ST6GAL1: variants seen among roughly 807,000 people sequenced by gnomAD.
ST6GAL1 encodes beta-galactoside alpha-2,6-sialyltransferase 1.
ST6GAL1 carries 20 observed loss-of-function variants against 38.0 expected under a neutral mutation model. The ratio of observed to expected loss-of-function variants is 0.53; its 90% confidence interval spans 0.37 to 0.77. The LOEUF is 0.77. ST6GAL1 is among the 30% of genes least tolerant of loss of function. The pLI is 0.00. For missense variants in ST6GAL1, 432 were observed against 496.4 expected (o/e 0.87, Z 1.23); for synonymous variants, 196 against 188.2 (o/e 1.04, Z -0.34).
intron 1 of ST6GAL1, among the ~76,000 whole-genome samples, chr3:186,938,818 A>G (rs1008487701): frequency 6.6e-6 from 1 of 152,144 alleles, no homozygotes; most frequent in African/African-American, 2.4e-5. Context: ...CCCATGGTCA[A>G]CCCCAGATTA....
At chr3:186,985,962 G>A (rs1011253066) in intron 2 of ST6GAL1, among the ~76,000 whole-genome samples, 1 of 152,164 alleles carries the variant, frequency 6.6e-6, no homozygotes, top group African/African-American at 2.4e-5. Flanking sequence ...TAGTGGGAGG[G>A]AGTTTGAAAA....
chr3:186,991,396 T>TG (rs1021855923), intron 2 of ST6GAL1, among the ~76,000 whole-genome samples: 2 of 152,106 alleles, frequency 1.3e-5, no homozygotes, highest in African/African-American at 2.4e-5. Context: ...GGCGCTGTCT[T>TG]GGGGTCTGTA....
intron 1 of ST6GAL1, among the ~76,000 whole-genome samples, chr3:186,945,301 G>A (rs1223700994): frequency 6.8e-6 from 1 of 146,304 alleles, no homozygotes; most frequent in Non-Finnish European, 1.5e-5. Context: ...GCAAGACCCT[G>A]TCTCTATTTA....
chr3:187,038,057 T>C (rs1717990848), intron 2 of ST6GAL1, among the ~76,000 whole-genome samples: 1 of 152,098 alleles, frequency 6.6e-6, no homozygotes, highest in African/African-American at 2.4e-5. Context: ...TGAAAATCTG[T>C]ATGAAGTTTA....
chr3:186,984,842 T>TCCCC (rs1715848759), intron 2 of ST6GAL1, among the ~76,000 whole-genome samples: 1 of 79,604 alleles, frequency 1.3e-5, no homozygotes, highest in Non-Finnish European at 2.6e-5. Flanking sequence ...CCTCCCTCCC[T>TCCCC]CCCTCCTTCC....
chr3:187,050,575 AAGG>A (rs1718480435), intron 4 of ST6GAL1, among the ~76,000 whole-genome samples: 1 of 144,724 alleles, frequency 6.9e-6, no homozygotes, highest in Non-Finnish European at 1.5e-5. Flanking sequence ...GGAGGGAAGG[AAGG>A]AGGGAGGGAA....
intron 1 of ST6GAL1, among the ~76,000 whole-genome samples, chr3:186,939,635 C>T (rs374160145): frequency 3.3e-5 from 5 of 152,310 alleles, no homozygotes; most frequent in African/African-American, 4.8e-5. Flanking sequence ...AAATCAGACT[C>T]GAGCCCAGCC....
intron 2 of ST6GAL1, among the ~76,000 whole-genome samples, chr3:186,995,512 A>AT (rs1208373586): frequency 3.8e-4 from 25 of 66,260 alleles, no homozygotes; most frequent in African/African-American, 1.3e-3. Context: ...TCTCAAAAAA[A>AT]AAATAATAAT....
chr3:187,018,843 G>C (rs532303598), intron 2 of ST6GAL1, among the ~76,000 whole-genome samples: 14 of 152,268 alleles, frequency 9.2e-5, no homozygotes, highest in African/African-American at 2.2e-4. Flanking sequence ...ACAAAGTTAC[G>C]ATTATTGGAG....
intron 2 of ST6GAL1, among the ~76,000 whole-genome samples, chr3:187,032,270 T>C (rs1717778343): frequency 6.6e-6 from 1 of 152,226 alleles, no homozygotes; most frequent in Admixed American, 6.5e-5. Context: ...GGGATTGATG[T>C]ACTTTTCTGT....
At chr3:186,966,805 G>T (rs73187773) in intron 2 of ST6GAL1, among the ~76,000 whole-genome samples, 5,311 of 152,278 alleles carry the variant, frequency 0.035, 134 homozygotes, top group East Asian at 0.064. Context: ...AGCAACAGGC[G>T]TGTCAGTCCC....
rs995299881 is a variant in ST6GAL1 at position 187,015,670 on chromosome 3, T to C, written c.-182-23072T>C. ...CCTGGGCAATGTGATGAAACCTGTT[T>C]CTACAAAAAATTACAAAAATTAGAT... On this transcript the variant is annotated intron_variant, in intron 2 of 7. Coordinates refer to ENST00000169298, the MANE Select transcript of ST6GAL1 (RefSeq NM_173216.2). Among the ~76,000 whole-genome samples the C allele has an allele frequency of 4.6e-5, 7 of 152,008 alleles. No individual in the cohort carries two copies. The East Asian group carries it at 1.4e-3, about 29-fold the overall frequency.
intron 2 of ST6GAL1, among the ~76,000 whole-genome samples, chr3:186,997,069 G>C (rs1716437127): frequency 6.6e-6 from 1 of 151,908 alleles, no homozygotes; most frequent in Non-Finnish European, 1.5e-5. Flanking sequence ...TGTATTCTTG[G>C]GGAGATTTGT....
intron 2 of ST6GAL1, among the ~76,000 whole-genome samples, chr3:187,000,439 G>A (rs138527686): frequency 1.6e-3 from 242 of 151,528 alleles, no homozygotes; most frequent in African/African-American, 5.4e-3. Context: ...GGAGGTGCCC[G>A]TAATCCCAGC....
chr3:187,003,185 A>T (rs1716676777), intron 2 of ST6GAL1, among the ~76,000 whole-genome samples: 1 of 152,182 alleles, frequency 6.6e-6, no homozygotes, highest in African/African-American at 2.4e-5. Flanking sequence ...AAACCAAACC[A>T]AAACAACAAC....
At chr3:186,970,707 T>G (rs1310364204) in intron 2 of ST6GAL1, among the ~76,000 whole-genome samples, 1 of 152,206 alleles carries the variant, frequency 6.6e-6, no homozygotes, top group Non-Finnish European at 1.5e-5. Context: ...CCTTCAGGTC[T>G]ACTAAAATTG....
intron 1 of ST6GAL1, among the ~76,000 whole-genome samples, chr3:186,950,984 T>C (rs1419114839): frequency 6.6e-6 from 1 of 152,234 alleles, no homozygotes; most frequent in Non-Finnish European, 1.5e-5. Flanking sequence ...TAAATCCAGC[T>C]CTTTGAACAC....
At chr3:187,072,672 C>G (rs1719427388) in intron 5 of ST6GAL1, 177 bp from the exon 6 acceptor site, 1 of 661,968 alleles carries the variant, frequency 1.5e-6, no homozygotes, top group Non-Finnish European at 2.8e-6. Flanking sequence ...CAGGTCAACA[C>G]AGTGCAGGCT....
intron 2 of ST6GAL1, among the ~76,000 whole-genome samples, chr3:186,995,920 A>G (rs1716389746): frequency 6.6e-6 from 1 of 152,146 alleles, no homozygotes; most frequent in Non-Finnish European, 1.5e-5. Context: ...TTTGAAATAT[A>G]ATCTTTGGGT....
Sources: allele counts gnomAD v4.1 joint callset (sites outside exome capture counted in the v4.1 genomes callset), GRCh38; gene constraint gnomAD v4.1.1; transcripts MANE v1.5; gene names NCBI Gene and HGNC (gene_info 2026-07-23, HGNC 2026-07-21).